The following CACNA2D1 variants were observed in gnomAD, a reference collection of about 807,000 sequenced individuals.
CACNA2D1 encodes the protein voltage-dependent calcium channel subunit alpha-2/delta-1.
In CACNA2D1, 53 loss-of-function variants were observed where a neutral mutation model predicts 171.5. The observed-to-expected ratio is 0.31, with a 90% confidence interval of 0.25 to 0.39. CACNA2D1 has a LOEUF of 0.39. Ranked by LOEUF, CACNA2D1 falls within the 10% of genes least tolerant of loss-of-function variation. The pLI is 1.00. For missense variants in CACNA2D1, 903 were observed against 1,299.8 expected, an observed-to-expected ratio of 0.69 and a Z score of 4.69; for synonymous variants, 442 against 443.1, an observed-to-expected ratio of 1.00 and a Z score of 0.03.
At position 82,220,781 on chromosome 7, in the gene CACNA2D1, C is replaced by CTTTTTTTT. The variant is rs71093369; in HGVS notation, c.295-50180_295-50173dup. 3.0e-5 allele frequency among the ~76,000 whole-genome samples: 4 copies of CTTTTTTTT among 134,444 alleles called. 1 individual carries two copies. Among genetic ancestry groups the CTTTTTTTT allele is most frequent in the South Asian group, 2.4e-4 (1 of 4,254 alleles). 88.2% of individuals were successfully genotyped at this position (134,444 alleles called of 152,430 possible). A position where few individuals can be genotyped will look rare whatever the true frequency, so the allele number is the denominator to read the frequency against. On this transcript the variant is annotated intron_variant, in intron 3 of 38. Coordinates refer to ENST00000356860, the MANE Select transcript of CACNA2D1 (RefSeq NM_000722.4). The stretch of plus-strand genomic sequence containing the variant: ...AGAAAAGTTTCTTTCTTTCTTTTTT[C>CTTTTTTTT]TTTTTTTTTTTTTTTGAGATGGAAT...
At chr7:82,145,620 A>G (rs1010802639) in intron 4 of CACNA2D1, among the ~76,000 whole-genome samples, 2 of 144,412 alleles carry the variant, frequency 1.4e-5, no homozygotes, top group Non-Finnish European at 3.0e-5. Context: ...CATATATTAT[A>G]AAATTACATA....
chr7:82,099,419 CTTCTT>C (rs1812354335), intron 6 of CACNA2D1, among the ~76,000 whole-genome samples: 1 of 50,580 alleles, frequency 2.0e-5, no homozygotes. Flanking sequence ...GTAGCAATAC[CTTCTT>C]TTTTTTTTTT....
intron 1 of CACNA2D1, among the ~76,000 whole-genome samples, chr7:82,364,027 A>G (rs1821399667): frequency 6.6e-6 from 1 of 152,156 alleles, no homozygotes; most frequent in African/African-American, 2.4e-5. Flanking sequence ...TGAGGCCAGG[A>G]GTTCAAGACC....
intron 38 of CACNA2D1, among the ~76,000 whole-genome samples, chr7:81,955,192 T>A (rs1227618173): frequency 6.6e-6 from 1 of 152,154 alleles, no homozygotes; most frequent in African/African-American, 2.4e-5. Context: ...TGTTTTTGTA[T>A]AATCTATATC....
At chr7:82,180,284 A>G (rs1047587466) in intron 3 of CACNA2D1, among the ~76,000 whole-genome samples, 2 of 152,170 alleles carry the variant, frequency 1.3e-5, no homozygotes, top group African/African-American at 2.4e-5. Context: ...GGGTTTCCCA[A>G]ACTCAGGGTT....
At chr7:82,113,678 C>T (rs1157052995) in intron 6 of CACNA2D1, among the ~76,000 whole-genome samples, 1 of 152,128 alleles carries the variant, frequency 6.6e-6, no homozygotes, top group Non-Finnish European at 1.5e-5. Context: ...AATTAAAGTG[C>T]ATTTTCATAT....
chr7:82,151,106 A>G (rs142722990), intron 4 of CACNA2D1, among the ~76,000 whole-genome samples: 1 of 152,274 alleles, frequency 6.6e-6, no homozygotes, highest in Admixed American at 6.5e-5. Flanking sequence ...ATTCTCAACA[A>G]ATTCAAAAGA....
chr7:81,987,610 C>T (rs1797103226), intron 21 of CACNA2D1, among the ~76,000 whole-genome samples: 1 of 151,534 alleles, frequency 6.6e-6, no homozygotes, highest in Admixed American at 6.6e-5. Context: ...TTCATGAAAT[C>T]AAAACATATC....
rs115356447 is a variant in CACNA2D1 at position 82,359,550 on chromosome 7, G to A, written c.96-9901C>T. Among the ~76,000 whole-genome samples the A allele has an allele frequency of 7.5e-3, 1,136 of 152,118 alleles. 19 individuals are homozygous for A. Among genetic ancestry groups the A allele is most frequent in the African/African-American group, 0.025 (1,054 of 41,500 alleles). On this transcript the variant is annotated intron_variant, in intron 1 of 38. Coordinates refer to ENST00000356860, the MANE Select transcript of CACNA2D1 (RefSeq NM_000722.4). ...CAGCTTTGTCATGCTCTTTAAATAC[G>A]TTTTCTTTCTACTAAACTGAAATCA...
intron 1 of CACNA2D1, among the ~76,000 whole-genome samples, chr7:82,426,138 T>TAA (rs1829155267): frequency 2.3e-5 from 3 of 129,026 alleles, no homozygotes; most frequent in Middle Eastern, 3.9e-3. Flanking sequence ...TTCAAAAATA[T>TAA]ATAAATAAAT....
chr7:82,371,590 A>T (rs2368023), intron 1 of CACNA2D1, among the ~76,000 whole-genome samples: 93,662 of 150,604 alleles, frequency 0.62, 29,626 homozygotes, highest in Middle Eastern at 0.73. Context: ...TATTATTATT[A>T]TTATTTTGCA....
chr7:82,257,918 G>A (rs1279504285), intron 3 of CACNA2D1, among the ~76,000 whole-genome samples: 1 of 152,122 alleles, frequency 6.6e-6, no homozygotes, highest in African/African-American at 2.4e-5. Context: ...ATTAATAAAT[G>A]CATAAACTTT....
At chr7:82,399,737 C>T (rs1279808205) in intron 1 of CACNA2D1, among the ~76,000 whole-genome samples, 1 of 117,332 alleles carries the variant, frequency 8.5e-6, no homozygotes, top group South Asian at 3.1e-4. Context: ...TTCGTTCTTT[C>T]AATTTTATAC....
intron 38 of CACNA2D1, among the ~76,000 whole-genome samples, chr7:81,955,980 ATTT>A (rs1164601123): frequency 5.7e-3 from 197 of 34,454 alleles, no homozygotes; most frequent in African/African-American, 0.02. Flanking sequence ...ATATATATAT[ATTT>A]TTTTTTTTTT....
chr7:82,369,419 C>T lies in CACNA2D1; in HGVS notation c.96-19770G>A, dbSNP rs147565498. ...CAGCTAACTGGTCAATCTGATCTGG[C>T]TTCCTCTGCCTCCAGTACTTCAACA... On this transcript the variant is annotated intron_variant, in intron 1 of 38. Coordinates refer to ENST00000356860, the MANE Select transcript of CACNA2D1 (RefSeq NM_000722.4). Among the ~76,000 whole-genome samples, 7 of 151,788 alleles carry T rather than the reference C, an allele frequency of 4.6e-5. No homozygotes were observed. In the East Asian group the frequency reaches 9.7e-4, roughly 21 times the overall value.
intron 4 of CACNA2D1, among the ~76,000 whole-genome samples, chr7:82,163,339 AG>A (rs1563141528): frequency 6.6e-6 from 1 of 152,072 alleles, no homozygotes; most frequent in Non-Finnish European, 1.5e-5. Flanking sequence ...ATATAGCAAT[AG>A]GTCCCCTCTA....
rs1324664679 is a variant in CACNA2D1, at chr7:82,140,954, T to TAAAAAAAAAAAAAAAAAAAAAA, written c.355-4279_355-4278insTTTTTTTTTTTTTTTTTTTTTT. Among the ~76,000 whole-genome samples, 26 of 91,756 alleles carry TAAAAAAAAAAAAAAAAAAAAAA rather than the reference T, an allele frequency of 2.8e-4. 1 individual carries two copies. The highest frequency in any genetic ancestry group is 7.1e-4 in the African/African-American group (14 of 19,588). 60.2% of individuals were successfully genotyped at this position (91,756 alleles called of 152,430 possible). On this transcript the variant is annotated intron_variant, in intron 4 of 38. Coordinates refer to ENST00000356860, the MANE Select transcript of CACNA2D1 (RefSeq NM_000722.4). The stretch of plus-strand genomic sequence containing the variant: ...TAGGCGACAGAGCAAGACTCGTCTC[T>TAAAAAAAAAAAAAAAAAAAAAA]AAAAAAAAAAAAAAAGAAAAAAAAA...
At chr7:81,980,308 G>T (rs1796325686) in intron 24 of CACNA2D1, among the ~76,000 whole-genome samples, 1 of 151,402 alleles carries the variant, frequency 6.6e-6, no homozygotes, top group Non-Finnish European at 1.5e-5. Flanking sequence ...GGCTTTTGTG[G>T]CCCATAAATT....
intron 20 of CACNA2D1, among the ~76,000 whole-genome samples, chr7:81,994,077 GA>G (rs1797813651): frequency 6.6e-6 from 1 of 152,058 alleles, no homozygotes; most frequent in Non-Finnish European, 1.5e-5. Context: ...ATCTGATGAG[GA>G]ATTTCAGAGG....
Sources: gnomAD v4.1 joint callset for allele counts (sites outside exome capture counted in the v4.1 genomes callset) on GRCh38, gnomAD v4.1.1 for gene constraint, MANE v1.5 for transcripts, NCBI Gene and HGNC (gene_info 2026-07-23, HGNC 2026-07-21) for gene names.